Variants in SLC39A11 observed in about 807,000 individuals in gnomAD.
SLC39A11 encodes solute carrier family 39 member 11.
A neutral mutation model predicts 36.1 loss-of-function variants in SLC39A11; 33 were observed. That is an observed-to-expected ratio of 0.91 (90% CI 0.69 to 1.22). The LOEUF is 1.22. SLC39A11 is among the 50% of genes most tolerant of loss of function. The pLI is 0.00. For synonymous variants in SLC39A11, 166 were observed against 170.3 expected, an observed-to-expected ratio of 0.97 and a Z score of 0.20; for missense variants, 432 against 430.3, an observed-to-expected ratio of 1.00 and a Z score of -0.03.
intron 6 of SLC39A11, among the ~76,000 whole-genome samples, chr17:72,845,288 G>C (rs888784888): frequency 6.6e-6 from 1 of 152,160 alleles, no homozygotes; most frequent in Non-Finnish European, 1.5e-5. Flanking sequence ...CTAAAGGAGG[G>C]GCTGACATCC....
chr17:72,777,422 C>T (rs774041973), intron 6 of SLC39A11, among the ~76,000 whole-genome samples: 1 of 152,124 alleles, frequency 6.6e-6, no homozygotes, highest in South Asian at 2.1e-4. Flanking sequence ...AAGGTCTTTA[C>T]AGATGTAAAC....
At chr17:72,785,812 T>C (rs1197843850) in intron 6 of SLC39A11, among the ~76,000 whole-genome samples, 1 of 152,242 alleles carries the variant, frequency 6.6e-6, no homozygotes, top group East Asian at 1.9e-4. Flanking sequence ...GTTAAGTATG[T>C]ATCTCAATCC....
intron 6 of SLC39A11, among the ~76,000 whole-genome samples, chr17:72,792,983 G>A (rs1342843298): frequency 6.6e-6 from 1 of 152,130 alleles, no homozygotes. Context: ...TACTGCCGGC[G>A]GGGTGGGGGC....
intron 3 of SLC39A11, among the ~76,000 whole-genome samples, chr17:73,056,236 T>G (rs889250417): frequency 6.6e-6 from 1 of 151,930 alleles, no homozygotes; most frequent in Non-Finnish European, 1.5e-5. Context: ...TGGAATAATC[T>G]TGGCTCAATG....
intron 4 of SLC39A11, among the ~76,000 whole-genome samples, chr17:72,966,335 A>C (rs2086971217): frequency 6.6e-6 from 1 of 152,206 alleles, no homozygotes; most frequent in African/African-American, 2.4e-5. Context: ...GGGTGTGGGC[A>C]TTCCTCCTAC....
At chr17:72,737,816 G>C (rs80246375) in intron 6 of SLC39A11, among the ~76,000 whole-genome samples, 6,542 of 152,002 alleles carry the variant, frequency 0.043, 193 homozygotes, top group African/African-American at 0.086. Flanking sequence ...GCAGCCTCAG[G>C]CCCCAAATAC....
chr17:72,809,641 A>AAG (rs1427779876), intron 6 of SLC39A11, among the ~76,000 whole-genome samples: 2 of 152,208 alleles, frequency 1.3e-5, no homozygotes, highest in Non-Finnish European at 2.9e-5. Context: ...GTATGTCCAA[A>AAG]AGAGAGAGAC....
intron 7 of SLC39A11, among the ~76,000 whole-genome samples, chr17:72,714,462 T>C (rs889225124): frequency 6.6e-6 from 1 of 152,142 alleles, no homozygotes; most frequent in Admixed American, 6.5e-5. Context: ...TGTTCAATAA[T>C]GGGTCGCCAA....
chr17:73,044,939 A>G (rs1302546512), intron 3 of SLC39A11, among the ~76,000 whole-genome samples: 1 of 151,994 alleles, frequency 6.6e-6, no homozygotes, highest in Non-Finnish European at 1.5e-5. Context: ...TTATACAGAT[A>G]CACACCACTG....
intron 5 of SLC39A11, 87 bp downstream of exon 5, chr17:72,947,665 A>T (rs754388535): frequency 2.5e-6 from 4 of 1,591,942 alleles, no homozygotes; most frequent in South Asian, 1.1e-5. Context: ...CTCACTATTC[A>T]TCCTACCACC....
chr17:72,987,878 C>T (rs1175277526), intron 4 of SLC39A11, among the ~76,000 whole-genome samples: 1 of 152,178 alleles, frequency 6.6e-6, no homozygotes, highest in Non-Finnish European at 1.5e-5. Context: ...CCCATGTTCT[C>T]GTCCTGAATC....
intron 3 of SLC39A11, among the ~76,000 whole-genome samples, chr17:73,033,456 C>T (rs1056569366): frequency 1.6e-4 from 24 of 152,206 alleles, no homozygotes; most frequent in African/African-American, 5.8e-4. Context: ...CACAGTGGTG[C>T]ATGACTATAG....
At chr17:73,088,575 A>C in intron 2 of SLC39A11, 82 bp downstream of exon 2, 8 of 1,145,882 alleles carry the variant, frequency 7.0e-6, no homozygotes, top group Non-Finnish European at 1.0e-5. Context: ...AAAAGTCTAC[A>C]AACCTGCTCC....
intron 3 of SLC39A11, among the ~76,000 whole-genome samples, chr17:73,053,620 C>A (rs569910071): frequency 2.9e-4 from 44 of 152,338 alleles, no homozygotes; most frequent in African/African-American, 9.9e-4. Flanking sequence ...CAAAGTCTAG[C>A]TAACTAGCCC....
intron 7 of SLC39A11, among the ~76,000 whole-genome samples, chr17:72,733,849 A>G (rs1382122884): frequency 6.6e-6 from 1 of 152,174 alleles, no homozygotes; most frequent in Admixed American, 6.5e-5. Flanking sequence ...TATGAACCCC[A>G]TAGCAGGCTG....
intron 4 of SLC39A11, among the ~76,000 whole-genome samples, chr17:72,958,868 A>G (rs1459476748): frequency 6.7e-6 from 1 of 148,302 alleles, no homozygotes; most frequent in Non-Finnish European, 1.5e-5. Flanking sequence ...AGAAAAAAGA[A>G]AAAAAAAAAA....
At chr17:72,879,715 A>G (rs1168912534) in intron 5 of SLC39A11, among the ~76,000 whole-genome samples, 1 of 152,194 alleles carries the variant, frequency 6.6e-6, no homozygotes, top group Admixed American at 6.5e-5. Flanking sequence ...GCAGCTGCTG[A>G]GTGACAGGTA....
intron 3 of SLC39A11, among the ~76,000 whole-genome samples, chr17:73,069,014 G>A (rs962790891): frequency 6.6e-5 from 10 of 152,002 alleles, no homozygotes; most frequent in Non-Finnish European, 1.3e-4. Flanking sequence ...TACCTCTCTG[G>A]CATCACCTCC....
chr17:73,007,211 A>C (rs2090236905), intron 4 of SLC39A11, among the ~76,000 whole-genome samples: 1 of 152,188 alleles, frequency 6.6e-6, no homozygotes, highest in South Asian at 2.1e-4. Context: ...TCACGAGGTC[A>C]GAAGTTCAAG....
Sources: gnomAD v4.1 joint callset for allele counts (sites outside exome capture counted in the v4.1 genomes callset) on GRCh38, gnomAD v4.1.1 for gene constraint, MANE v1.5 for transcripts, NCBI Gene and HGNC (gene_info 2026-07-23, HGNC 2026-07-21) for gene names.